Variants in EPHA6 observed in about 807,000 individuals in gnomAD.
EPHA6 encodes EPH receptor A6.
In EPHA6, 50 loss-of-function variants were observed where a neutral mutation model predicts 112.0. That is an observed-to-expected ratio of 0.45 (90% CI 0.36 to 0.56). The LOEUF is 0.56. EPHA6 is among the 20% of genes least tolerant of loss of function. EPHA6 has a pLI of 0.00. For missense variants in EPHA6, 1,280 were observed against 1,417.4 expected, an observed-to-expected ratio of 0.90 and a Z score of 1.56; for synonymous variants, 529 against 490.7, an observed-to-expected ratio of 1.08 and a Z score of -1.03.
chr3:97,658,653 C>T (rs1003712331), intron 14 of EPHA6, among the ~76,000 whole-genome samples: 6 of 151,912 alleles, frequency 3.9e-5, no homozygotes, highest in African/African-American at 1.4e-4. Context: ...GTGGGAATTG[C>T]AGTTTCAAGA....
rs1340537842 is a variant in EPHA6, at chr3:97,736,031, G to A, written c.3041G>A (p.Arg1014Lys). ...TGCTGGCAGAAGGAGAGAAATCACA[G>A]ACCAAAATTTACTGACATTGTCAGC... ...LHCWQKERNH[R>K]PKFTDIVSFL... Residue 1014 changes from arginine to lysine, a missense_variant, in exon 16 of 18, where the codon AGA becomes AAA. Physicochemically the swap from Arg to Lys is conservative, Grantham distance 26. This residue lies in a region of EPHA6 where 145 missense variants were observed against 153.3 expected (regional missense o/e 0.95). Transcript: ENST00000389672. 1 of 1,612,700 alleles carries A rather than the reference G, an allele frequency of 6.2e-7. No homozygotes were observed. Among genetic ancestry groups the A allele is most frequent in the Non-Finnish European group, 8.5e-7 (1 of 1,179,210 alleles).
chr3:97,034,740 G>GCACA (rs1318634545), intron 3 of EPHA6, among the ~76,000 whole-genome samples: 1 of 151,682 alleles, frequency 6.6e-6, no homozygotes, highest in Non-Finnish European at 1.5e-5. Context: ...ATGGTTATGT[G>GCACA]CACACACACA....
intron 12 of EPHA6, among the ~76,000 whole-genome samples, chr3:97,596,998 T>A (rs2093600416): frequency 6.7e-6 from 1 of 149,452 alleles, no homozygotes; most frequent in African/African-American, 2.5e-5. Context: ...AATAGGTGGG[T>A]GACCAAACTC....
chr3:97,262,006 AC>A lies in EPHA6; in HGVS notation c.1606+17722del, dbSNP rs1193397277. Among the ~76,000 whole-genome samples the A allele has an allele frequency of 8.5e-5, 13 of 152,258 alleles. No individual in the cohort carries two copies. In the East Asian group the frequency reaches 1.5e-3, roughly 18 times the overall value. On this transcript the variant is annotated intron_variant, in intron 5 of 17. Transcript: ENST00000389672. Reference sequence around the variant, plus strand: ...GAGAGCCACAGTTCTTAGTTATAAAACCCTAGTTATTTAGTCATAAGTTACT... The same window carrying A: ...GAGAGCCACAGTTCTTAGTTATAAAACCTAGTTATTTAGTCATAAGTTACT...
At chr3:97,525,411 T>A (rs1430720526) in intron 10 of EPHA6, among the ~76,000 whole-genome samples, 2 of 152,212 alleles carry the variant, frequency 1.3e-5, no homozygotes, top group Non-Finnish European at 2.9e-5. Flanking sequence ...TTTCTTTTAG[T>A]TGTCTATCTC....
chr3:97,466,120 T>TA lies in EPHA6; in HGVS notation c.1895-9231dup, dbSNP rs1254874979. The TA allele has an allele frequency of 2.0e-5, 10 of 495,430 alleles. No homozygotes were observed. The East Asian group carries it at 3.3e-4, about 17-fold the overall frequency. 30.7% of individuals were successfully genotyped at this position (495,430 alleles called of 1,614,324 possible). On this transcript the variant is annotated intron_variant, in intron 7 of 17. Transcript: ENST00000389672. ...TTGGAATATCTCCTGGCACATGTGT[T>TA]AGTCTTTCTGTAGAAAAAGGTTGTT...
intron 10 of EPHA6, among the ~76,000 whole-genome samples, chr3:97,518,279 A>G (rs927009331): frequency 3.3e-5 from 5 of 152,140 alleles, no homozygotes; most frequent in Non-Finnish European, 7.4e-5. Flanking sequence ...GACAATGGCC[A>G]TTATATCAGG....
At chr3:97,362,289 GCT>G (rs2084413465) in intron 5 of EPHA6, among the ~76,000 whole-genome samples, 1 of 151,988 alleles carries the variant, frequency 6.6e-6, no homozygotes, top group African/African-American at 2.4e-5. Flanking sequence ...TTGCCAATCA[GCT>G]TATTTATGAG....
chr3:96,935,142 C>A (rs911566305), intron 2 of EPHA6, among the ~76,000 whole-genome samples: 1 of 151,770 alleles, frequency 6.6e-6, no homozygotes, highest in Non-Finnish European at 1.5e-5. Flanking sequence ...TGTTCGTTTT[C>A]ACTAAACCTG....
chr3:97,574,115 GT>G (rs1016661827), intron 11 of EPHA6, among the ~76,000 whole-genome samples: 4 of 152,016 alleles, frequency 2.6e-5, no homozygotes, highest in African/African-American at 7.2e-5. Context: ...TCAAAAGAAA[GT>G]TTTTATTTCA....
intron 11 of EPHA6, among the ~76,000 whole-genome samples, chr3:97,581,884 GAGTCAGGCCAATA>G (rs2093441933): frequency 6.6e-6 from 1 of 152,258 alleles, no homozygotes; most frequent in South Asian, 2.1e-4. Flanking sequence ...TATTTAGAAT[GAGTCAGGCCAATA>G]TGGGGTATTC....
chr3:97,203,824 T>C (rs2077641651), intron 3 of EPHA6, among the ~76,000 whole-genome samples: 1 of 152,148 alleles, frequency 6.6e-6, no homozygotes, highest in Non-Finnish European at 1.5e-5. Context: ...TAGCTTAAAA[T>C]GTTCATTACC....
At chr3:97,131,771 T>C (rs992506365) in intron 3 of EPHA6, among the ~76,000 whole-genome samples, 7 of 152,138 alleles carry the variant, frequency 4.6e-5, no homozygotes, top group African/African-American at 1.4e-4. Context: ...TGTACTGTTA[T>C]TGCTACAAAT....
At chr3:97,240,078 T>C (rs1249348585) in intron 4 of EPHA6, among the ~76,000 whole-genome samples, 1 of 151,804 alleles carries the variant, frequency 6.6e-6, no homozygotes. Context: ...TCCAGTTTTG[T>C]GATTGCCATT....
intron 13 of EPHA6, among the ~76,000 whole-genome samples, chr3:97,630,690 C>A (rs2107533166): frequency 6.6e-6 from 1 of 152,098 alleles, no homozygotes; most frequent in Admixed American, 6.6e-5. Context: ...CAGACTACAG[C>A]TAAAAGATGA....
intron 3 of EPHA6, among the ~76,000 whole-genome samples, chr3:96,988,262 G>A (rs531140091): frequency 6.6e-6 from 1 of 151,974 alleles, no homozygotes; most frequent in Non-Finnish European, 1.5e-5. Flanking sequence ...AATTAATTGT[G>A]AAAGCAATTG....
chr3:96,827,200 C>T (rs2033719418), intron 1 of EPHA6, among the ~76,000 whole-genome samples: 2 of 152,066 alleles, frequency 1.3e-5, no homozygotes, highest in African/African-American at 4.8e-5. Context: ...TTATAGTCTT[C>T]TCATTTGTCC....
At chr3:96,959,889 A>T (rs2041896967) in intron 2 of EPHA6, among the ~76,000 whole-genome samples, 2 of 152,076 alleles carry the variant, frequency 1.3e-5, no homozygotes, top group South Asian at 4.1e-4. Flanking sequence ...AAGTTTCCCA[A>T]AATGTGAATA....
At chr3:97,034,382 G>C (rs947638254) in intron 3 of EPHA6, among the ~76,000 whole-genome samples, 3 of 151,764 alleles carry the variant, frequency 2.0e-5, no homozygotes, top group African/African-American at 7.3e-5. Flanking sequence ...GCAATTATCA[G>C]TGCCATGGCT....
Sources: allele counts gnomAD v4.1 joint callset (sites outside exome capture counted in the v4.1 genomes callset), GRCh38; gene constraint gnomAD v4.1.1; regional missense constraint gnomAD v4.1.1; transcripts MANE v1.5; gene names NCBI Gene and HGNC (gene_info 2026-07-23, HGNC 2026-07-21).